ZNF804B: variants seen among roughly 807,000 people sequenced by gnomAD.
The protein encoded by ZNF804B is zinc finger protein 804B.
Under a neutral mutation model 101.4 loss-of-function variants are expected in ZNF804B, and 80 were observed. That is an observed-to-expected ratio of 0.79 (90% CI 0.66 to 0.95). The LOEUF (loss-of-function observed/expected upper bound fraction) is 0.95, where lower values mean the gene tolerates loss of function less well. ZNF804B is among the 40% of genes least tolerant of loss of function. The pLI is 0.00. For synonymous variants in ZNF804B, 622 were observed against 558.8 expected (o/e 1.11, Z -1.59); for missense variants, 1,673 against 1,561.9 (o/e 1.07, Z -1.20).
chr7:88,938,931 A>C (rs1390711842), intron 1 of ZNF804B, among the ~76,000 whole-genome samples: 1 of 152,080 alleles, frequency 6.6e-6, no homozygotes, highest in Non-Finnish European at 1.5e-5. Context: ...TCTAGAAAAA[A>C]ATAGACAAAA....
At chr7:88,973,006 G>T (rs1793559480) in intron 1 of ZNF804B, among the ~76,000 whole-genome samples, 1 of 151,324 alleles carries the variant, frequency 6.6e-6, no homozygotes, top group Non-Finnish European at 1.5e-5. Context: ...ATTTTCCAAA[G>T]ACAGTGAATG....
intron 1 of ZNF804B, among the ~76,000 whole-genome samples, chr7:88,768,634 C>CT (rs1790019273): frequency 6.6e-6 from 1 of 152,186 alleles, no homozygotes; most frequent in African/African-American, 2.4e-5. Context: ...CGGAGAATCG[C>CT]TTGAAACTGG....
chr7:89,236,073 A>G (rs1010766499), intron 2 of ZNF804B, among the ~76,000 whole-genome samples: 3 of 152,148 alleles, frequency 2.0e-5, no homozygotes, highest in African/African-American at 7.2e-5. Flanking sequence ...AGGTGTAATA[A>G]TATTTGTCAA....
intron 1 of ZNF804B, among the ~76,000 whole-genome samples, chr7:89,173,815 G>A (rs1447297394): frequency 1.3e-5 from 2 of 151,858 alleles, no homozygotes; most frequent in African/African-American, 4.8e-5. Context: ...GCCTATAGTG[G>A]GATGAAAAGT....
chr7:89,106,889 A>G (rs568679586), intron 1 of ZNF804B, among the ~76,000 whole-genome samples: 1 of 152,226 alleles, frequency 6.6e-6, no homozygotes, highest in African/African-American at 2.4e-5. Context: ...TGAGGACAGC[A>G]TGTTGTTGGA....
Position 89,216,030 on chromosome 7 carries a change from G to A in ZNF804B, c.109-2125G>A, listed in dbSNP as rs541498702. Among the ~76,000 whole-genome samples, 7 of 152,276 alleles carry A rather than the reference G, an allele frequency of 4.6e-5. No homozygotes were observed. The South Asian group carries it at 8.3e-4, about 18-fold the overall frequency. Reference sequence around the variant, plus strand: ...ATAAATAAATAAATACCGGCTGGGCGTAGTGGCTCACGCCTATAATGCCAG... The same window carrying A: ...ATAAATAAATAAATACCGGCTGGGCATAGTGGCTCACGCCTATAATGCCAG... On this transcript the variant is annotated intron_variant, in intron 1 of 3. Coordinates refer to ENST00000333190, the MANE Select transcript of ZNF804B (RefSeq NM_181646.5).
chr7:89,146,238 T>C (rs940630709), intron 1 of ZNF804B, among the ~76,000 whole-genome samples: 5 of 152,068 alleles, frequency 3.3e-5, no homozygotes, highest in African/African-American at 1.2e-4. Context: ...AAAGATCTTA[T>C]AGCTTAAGCC....
intron 1 of ZNF804B, among the ~76,000 whole-genome samples, chr7:88,903,765 T>C (rs1332123085): frequency 2.6e-5 from 4 of 152,168 alleles, no homozygotes; most frequent in Non-Finnish European, 4.4e-5. Flanking sequence ...TTGAGAAGTA[T>C]CCGTCCATGC....
At chr7:89,229,543 AC>A (rs1789155619) in intron 2 of ZNF804B, among the ~76,000 whole-genome samples, 1 of 152,234 alleles carries the variant, frequency 6.6e-6, no homozygotes, top group Non-Finnish European at 1.5e-5. Flanking sequence ...TCAACTCACA[AC>A]AGAGCATGAA....
chr7:89,277,143 AAC>A (rs1406330212), intron 2 of ZNF804B, among the ~76,000 whole-genome samples: 1 of 148,572 alleles, frequency 6.7e-6, no homozygotes, highest in African/African-American at 2.5e-5. Context: ...AAAATATATA[AAC>A]ACATAAATAT....
chr7:89,152,112 C>T (rs1056963157), intron 1 of ZNF804B, among the ~76,000 whole-genome samples: 1 of 152,146 alleles, frequency 6.6e-6, no homozygotes, highest in African/African-American at 2.4e-5. Flanking sequence ...GGATATTATG[C>T]AGTATTATTT....
chr7:89,032,486 TTTAC>T (rs957688503), intron 1 of ZNF804B, among the ~76,000 whole-genome samples: 37 of 152,236 alleles, frequency 2.4e-4, no homozygotes, highest in Non-Finnish European at 3.1e-4. Flanking sequence ...ATAGTACAGG[TTTAC>T]TTACTTTCTT....
chr7:89,253,762 AC>A (rs1300416040), intron 2 of ZNF804B, among the ~76,000 whole-genome samples: 4 of 152,146 alleles, frequency 2.6e-5, no homozygotes, highest in Non-Finnish European at 5.9e-5. Flanking sequence ...ATTAACAGAT[AC>A]AAAAATAGTA....
chr7:88,800,084 T>C (rs2115707953), intron 1 of ZNF804B, among the ~76,000 whole-genome samples: 1 of 152,224 alleles, frequency 6.6e-6, no homozygotes, highest in Admixed American at 6.6e-5. Context: ...CTTTATGTCT[T>C]ATATCAAAAT....
intron 2 of ZNF804B, among the ~76,000 whole-genome samples, chr7:89,308,528 G>A (rs1276745753): frequency 2.0e-5 from 3 of 152,140 alleles, no homozygotes; most frequent in African/African-American, 7.2e-5. Context: ...ATTACTAACA[G>A]TTAAATAATA....
At chr7:89,015,451 G>A (rs2116202314) in intron 1 of ZNF804B, among the ~76,000 whole-genome samples, 1 of 151,728 alleles carries the variant, frequency 6.6e-6, no homozygotes, top group African/African-American at 2.4e-5. Flanking sequence ...TCGTCATTTA[G>A]CATTAGGTAT....
intron 1 of ZNF804B, among the ~76,000 whole-genome samples, chr7:89,076,822 A>G (rs1789621354): frequency 6.6e-6 from 1 of 152,194 alleles, no homozygotes; most frequent in Admixed American, 6.5e-5. Context: ...TAGTGGGTGG[A>G]CATACAGGAG....
chr7:89,234,358 A>G (rs893307654), intron 2 of ZNF804B, among the ~76,000 whole-genome samples: 1 of 152,034 alleles, frequency 6.6e-6, no homozygotes, highest in Non-Finnish European at 1.5e-5. Flanking sequence ...CTCCATACCC[A>G]GAGTCTTTAC....
At chr7:88,903,384 T>C (rs1792421219) in intron 1 of ZNF804B, among the ~76,000 whole-genome samples, 2 of 152,182 alleles carry the variant, frequency 1.3e-5, no homozygotes, top group African/African-American at 4.8e-5. Flanking sequence ...TTCCATATCT[T>C]TGTGATTGTG....
Sources: allele counts gnomAD v4.1 joint callset (sites outside exome capture counted in the v4.1 genomes callset), GRCh38; gene constraint gnomAD v4.1.1; transcripts MANE v1.5; gene names NCBI Gene and HGNC (gene_info 2026-07-23, HGNC 2026-07-21).